The following HIVEP3 variants were observed in gnomAD, a reference collection of about 807,000 sequenced individuals.
HIVEP3 encodes transcription factor HIVEP3.
Under a neutral mutation model 152.8 loss-of-function variants are expected in HIVEP3, and 49 were observed. The observed-to-expected ratio is 0.32, with a 90% CI of 0.26 to 0.41. The LOEUF is 0.41. Among genes scored for constraint, HIVEP3 ranks in the 10% least tolerant of loss-of-function variants. The pLI is 1.00. For synonymous variants in HIVEP3, 1,269 were observed against 1,289.0 expected, an observed-to-expected ratio of 0.98 and a Z score of 0.33; for missense variants, 2,790 against 3,103.3, an observed-to-expected ratio of 0.90 and a Z score of 2.40.
intron 4 of HIVEP3, among the ~76,000 whole-genome samples, chr1:41,577,155 A>C (rs1310477557): frequency 1.3e-5 from 2 of 152,160 alleles, no homozygotes; most frequent in African/African-American, 4.8e-5. Context: ...CAGGAAACAC[A>C]GTGTTGGAAC....
intron 1 of HIVEP3, among the ~76,000 whole-genome samples, chr1:42,013,451 C>T (rs1034549741): frequency 6.6e-6 from 1 of 152,184 alleles, no homozygotes; most frequent in Non-Finnish European, 1.5e-5. Flanking sequence ...AAAAGTCTTG[C>T]TTTGTCTCTG....
At chr1:41,962,255 G>C (rs1056567978) in intron 1 of HIVEP3, among the ~76,000 whole-genome samples, 6 of 152,240 alleles carry the variant, frequency 3.9e-5, no homozygotes, top group Non-Finnish European at 7.3e-5. Context: ...AGAGAGGCCA[G>C]GCCCAGATCT....
chr1:41,639,035 C>T (rs759837684), intron 2 of HIVEP3, among the ~76,000 whole-genome samples: 5 of 152,210 alleles, frequency 3.3e-5, no homozygotes, highest in Admixed American at 1.3e-4. Flanking sequence ...CCTCCTGACA[C>T]GTGGCCCTTC....
chr1:42,029,185 G>T (rs1005249390), intron 1 of HIVEP3, among the ~76,000 whole-genome samples: 5 of 152,122 alleles, frequency 3.3e-5, no homozygotes, highest in Admixed American at 3.3e-4. Flanking sequence ...GTTTCTCAGG[G>T]GGGTTCAGTG....
chr1:41,573,077 A>G (rs1026256182), intron 5 of HIVEP3, among the ~76,000 whole-genome samples: 2 of 152,242 alleles, frequency 1.3e-5, no homozygotes, highest in Admixed American at 1.3e-4. Context: ...CCTGGATCTA[A>G]GGAACAGAGC....
Position 41,509,012 on chromosome 1 carries a change from A to G in HIVEP3, c.*1439T>C, listed in dbSNP as rs1191311445. Reference sequence around the variant, plus strand: ...TTCCATAGTTCAATTTGGGATTTAAATTTCTGGTCCTATTATTTTTCTTAC... The same window carrying G: ...TTCCATAGTTCAATTTGGGATTTAAGTTTCTGGTCCTATTATTTTTCTTAC... On this transcript the variant is annotated 3_prime_UTR_variant, in exon 9 of 9. Transcript: ENST00000372583. 6.6e-6 allele frequency: 1 copy of G among 152,250 alleles called. No individual in the cohort carries two copies. 9.4% of individuals were successfully genotyped at this position (152,250 alleles called of 1,614,324 possible). A position where few individuals can be genotyped will look rare whatever the true frequency, so the allele number is the denominator to read the frequency against.
At chr1:41,588,946 G>A (rs1453735373) in intron 3 of HIVEP3, among the ~76,000 whole-genome samples, 1 of 152,156 alleles carries the variant, frequency 6.6e-6, no homozygotes, top group Non-Finnish European at 1.5e-5. Context: ...GCAGATGTAG[G>A]GGAACCTGCA....
chr1:41,921,528 C>T (rs1644941853), upstream of HIVEP3, among the ~76,000 whole-genome samples: 2 of 152,188 alleles, frequency 1.3e-5, no homozygotes, highest in African/African-American at 4.8e-5. Context: ...TGTGGCTTCT[C>T]CAGCCATGTG....
chr1:41,704,913 C>T (rs1646411647), intron 1 of HIVEP3, among the ~76,000 whole-genome samples: 1 of 152,198 alleles, frequency 6.6e-6, no homozygotes, highest in Non-Finnish European at 1.5e-5. Context: ...TTAGAGCCTA[C>T]CTTATGGTGG....
chr1:41,671,090 G>A (rs976126710), intron 2 of HIVEP3, among the ~76,000 whole-genome samples: 2 of 152,182 alleles, frequency 1.3e-5, no homozygotes, highest in Non-Finnish European at 2.9e-5. Context: ...TCCTGCGGGT[G>A]GGGGACAGGC....
intron 1 of HIVEP3, chr1:41,849,027 G>C (rs1643521025): frequency 6.6e-6 from 1 of 152,192 alleles, no homozygotes; most frequent in South Asian, 2.1e-4. Context: ...CAGGACGTTT[G>C]TCCCTCGACT....
chr1:41,914,079 T>G (rs1644836038), intron 1 of HIVEP3, among the ~76,000 whole-genome samples: 1 of 152,208 alleles, frequency 6.6e-6, no homozygotes, highest in African/African-American at 2.4e-5. Context: ...GAATTCCAGC[T>G]GCACCTGGCA....
chr1:42,007,563 C>A (rs1164668507), intron 1 of HIVEP3, among the ~76,000 whole-genome samples: 1 of 152,184 alleles, frequency 6.6e-6, no homozygotes, highest in Admixed American at 6.5e-5. Context: ...AGGGGCAAGT[C>A]TTCTGACAAA....
intron 1 of HIVEP3, among the ~76,000 whole-genome samples, chr1:41,828,574 C>T (rs1642869984): frequency 6.6e-6 from 1 of 152,232 alleles, no homozygotes; most frequent in South Asian, 2.1e-4. Flanking sequence ...TCCACTTTGG[C>T]TGACTGAATC....
chr1:41,589,020 C>T (rs757815801), intron 3 of HIVEP3, among the ~76,000 whole-genome samples: 12 of 152,304 alleles, frequency 7.9e-5, no homozygotes, highest in East Asian at 1.9e-4. Flanking sequence ...ACCGAAGGAC[C>T]GTTCTAATGA....
intron 2 of HIVEP3, among the ~76,000 whole-genome samples, chr1:41,688,849 T>C (rs1376803960): frequency 1.3e-5 from 2 of 151,948 alleles, no homozygotes; most frequent in African/African-American, 2.4e-5. Context: ...TGTTGCTTCA[T>C]GTGTGCTGTG....
intron 1 of HIVEP3, among the ~76,000 whole-genome samples, chr1:41,811,771 G>A (rs1650975860): frequency 6.6e-6 from 1 of 151,978 alleles, no homozygotes; most frequent in Admixed American, 6.6e-5. Context: ...AAAAGGTTGA[G>A]TCCTTTTTAT....
chr1:41,774,749 TAA>T (rs2124271476), intron 1 of HIVEP3, among the ~76,000 whole-genome samples: 1 of 151,968 alleles, frequency 6.6e-6, no homozygotes, highest in East Asian at 1.9e-4. Context: ...AATTTTCACT[TAA>T]GTTTTCACAA....
At chr1:41,718,779 CACA>C (rs1646633873) in intron 1 of HIVEP3, among the ~76,000 whole-genome samples, 1 of 126,996 alleles carries the variant, frequency 7.9e-6, no homozygotes, top group African/African-American at 4.5e-5. Flanking sequence ...CACACCCACA[CACA>C]CACACACACA....
Sources: gnomAD v4.1 joint callset for allele counts (sites outside exome capture counted in the v4.1 genomes callset) on GRCh38, gnomAD v4.1.1 for gene constraint, MANE v1.5 for transcripts, NCBI Gene and HGNC (gene_info 2026-07-23, HGNC 2026-07-21) for gene names.